Variants in RFC5 observed in about 807,000 individuals in gnomAD.
RFC5 encodes replication factor C subunit 5, also known as A1 36 kDa subunit.
A neutral mutation model predicts 44.3 loss-of-function variants in RFC5; 26 were observed. The observed-to-expected ratio is 0.59, with a 90% CI of 0.43 to 0.81. RFC5 has a LOEUF of 0.81. Among genes scored for constraint, RFC5 ranks in the 40% least tolerant of loss-of-function variants. The pLI is 0.00. For synonymous variants in RFC5, 155 were observed against 155.2 expected (o/e 1.00, Z 0.01); for missense variants, 328 against 418.6 (o/e 0.78, Z 1.89).
At chr12:118,028,240 T>C (rs1033323548) in intron 9 of RFC5, among the ~76,000 whole-genome samples, 1 of 152,128 alleles carries the variant, frequency 6.6e-6, no homozygotes, top group Non-Finnish European at 1.5e-5. Context: ...TCCTAGCACT[T>C]TGGGAGGCCA....
At chr12:118,034,083 T>C (rs1168537554), downstream of RFC5, 5 of 1,410,342 alleles carry the variant, frequency 3.5e-6, no homozygotes, top group Admixed American at 7.3e-5. Flanking sequence ...CTATTCACAA[T>C]CCCAAAGAAA....
In RFC5 at chr12:118,032,185, C is replaced by A. The variant is rs566573170; in HGVS notation, c.*907C>A. 1 of 152,196 alleles carries A rather than the reference C, an allele frequency of 6.6e-6. No homozygotes were observed. Among genetic ancestry groups the A allele is most frequent in the Non-Finnish European group, 1.5e-5 (1 of 68,036 alleles). The allele number at this position is 152,196 out of a possible 1,614,324, so 9.4% of individuals were successfully genotyped here. A position where few individuals can be genotyped will look rare whatever the true frequency, so the allele number is the denominator to read the frequency against. The stretch of plus-strand genomic sequence containing the variant: ...GTCAAACTTGCATTTATATGAAAAC[C>A]TTCTGTCTCTAATATCACAGAATAA... On this transcript the variant is annotated 3_prime_UTR_variant, in exon 11 of 11. Transcript: ENST00000454402.
chr12:118,017,811 T>C lies in RFC5; in HGVS notation c.65+919T>C, dbSNP rs188491309. On this transcript the variant is annotated intron_variant, in intron 1 of 10. Coordinates refer to ENST00000454402, the MANE Select transcript of RFC5 (RefSeq NM_007370.7). ...TCAGCCTCCGAAGAACTGGGACTTT[T>C]AGAGGCGAGCTACCAAGCCCATCCT... 2.1e-4 allele frequency: 144 copies of C among 672,938 alleles called. 1 individual carries two copies. In the Middle Eastern group the frequency reaches 4.3e-3, roughly 20 times the overall value. 41.7% of individuals were successfully genotyped at this position (672,938 alleles called of 1,614,324 possible).
downstream of RFC5, chr12:118,033,883 A>T (rs1262446913): frequency 3.0e-6 from 1 of 331,278 alleles, no homozygotes; most frequent in African/African-American, 2.1e-5. Flanking sequence ...AATCAAAACA[A>T]CATCAGTAAC....
intron 3 of RFC5, among the ~76,000 whole-genome samples, chr12:118,020,002 A>C (rs1355058244): frequency 6.6e-6 from 1 of 152,026 alleles, no homozygotes; most frequent in Non-Finnish European, 1.5e-5. Flanking sequence ...GCTCTTGCCA[A>C]CTTCTCCCCA....
downstream of RFC5, among the ~76,000 whole-genome samples, chr12:118,037,317 T>G (rs1286401105): frequency 1.3e-5 from 2 of 152,180 alleles, no homozygotes; most frequent in Non-Finnish European, 2.9e-5. Flanking sequence ...CTGACCTAGC[T>G]CATCACTTTA....
chr12:118,037,182 AT>A (rs577838566), downstream of RFC5, among the ~76,000 whole-genome samples: 7 of 151,842 alleles, frequency 4.6e-5, no homozygotes, highest in East Asian at 2.0e-4. Context: ...ACTGTCTCAA[AT>A]TTTTTTTAAA....
intron 4 of RFC5, among the ~76,000 whole-genome samples, chr12:118,021,691 T>G (rs1419557228): frequency 6.7e-6 from 1 of 148,814 alleles, no homozygotes; most frequent in Non-Finnish European, 1.5e-5. Context: ...GCGCAGTGGC[T>G]CACACCTGTA....
At chr12:118,036,626 C>G (rs1353030009), downstream of RFC5, 4 of 1,110,044 alleles carry the variant, frequency 3.6e-6, no homozygotes, top group East Asian at 7.2e-5. Flanking sequence ...GGCTGATTCT[C>G]TATCCCTTTT....
intron 7 of RFC5, among the ~76,000 whole-genome samples, chr12:118,026,398 C>T (rs947267370): frequency 9.9e-5 from 15 of 152,192 alleles, no homozygotes; most frequent in African/African-American, 3.6e-4. Flanking sequence ...AGCCCACGAG[C>T]TGGAGACCAG....
At chr12:118,023,975 G>A (rs1685420213) in intron 5 of RFC5, among the ~76,000 whole-genome samples, 2 of 152,044 alleles carry the variant, frequency 1.3e-5, no homozygotes, top group Non-Finnish European at 2.9e-5. Flanking sequence ...CCAGTACTTT[G>A]GGAGGCTGAG....
chr12:118,031,052 G>A (rs953199368), intron 10 of RFC5, 130 bp from the exon 11 acceptor site: 7 of 613,624 alleles, frequency 1.1e-5, no homozygotes, highest in African/African-American at 1.9e-5. Context: ...TGCCATCCAG[G>A]GCACATTTGT....
downstream of RFC5, chr12:118,036,573 G>A: frequency 6.6e-7 from 1 of 1,509,880 alleles, no homozygotes; most frequent in Non-Finnish European, 8.9e-7. Context: ...CAAACGGAGG[G>A]AGGGAAAGGT....
At chr12:118,025,918 A>C in intron 7 of RFC5, 90 bp downstream of exon 7, 66 of 763,710 alleles carry the variant, frequency 8.6e-5, no homozygotes, top group Non-Finnish European at 1.2e-4. Flanking sequence ...ACACAATCTC[A>C]GCTCACTGCA....
At chr12:118,033,282 A>C (rs1157137556), downstream of RFC5, 1 of 152,570 alleles carries the variant, frequency 6.6e-6, no homozygotes, top group Non-Finnish European at 1.5e-5. Flanking sequence ...CGTACATAAG[A>C]GTATCAGCTA....
At chr12:118,039,165 T>C in the RFC5 span, among the ~76,000 whole-genome samples, 1 of 152,170 alleles carries the variant, frequency 6.6e-6, no homozygotes, top group Non-Finnish European at 1.5e-5. Context: ...GATGTCCAGA[T>C]GAGCAGTGGT....
intron 5 of RFC5, among the ~76,000 whole-genome samples, chr12:118,024,076 C>T (rs866190231): frequency 6.6e-6 from 1 of 151,962 alleles, no homozygotes; most frequent in Non-Finnish European, 1.5e-5. Flanking sequence ...ATTGGCCTGG[C>T]ACAGTGGCTC....
At chr12:118,038,478 G>A in the RFC5 span, 6 of 1,206,328 alleles carry the variant, frequency 5.0e-6, no homozygotes, top group East Asian at 1.5e-4. Context: ...ACAGCCCCCA[G>A]CCCAGTATAC....
At chr12:118,016,985 C>A in intron 1 of RFC5, 93 bp downstream of exon 1, 1 of 994,598 alleles carries the variant, frequency 1.0e-6, no homozygotes, top group Non-Finnish European at 1.6e-6. Context: ...CGGACCCCAA[C>A]CCGACCTCTT....
Sources: allele counts gnomAD v4.1 joint callset (sites outside exome capture counted in the v4.1 genomes callset), GRCh38; gene constraint gnomAD v4.1.1; transcripts MANE v1.5; gene names NCBI Gene and HGNC (gene_info 2026-07-23, HGNC 2026-07-21).